The following CBX5 variants were observed in gnomAD, a reference collection of about 807,000 sequenced individuals.
CBX5 encodes chromobox protein homolog 5.
CBX5 carries 7 observed loss-of-function variants against 20.7 expected under a neutral mutation model. The ratio of observed to expected loss-of-function variants is 0.34; its 90% CI spans 0.19 to 0.63. The LOEUF is 0.63. Among genes scored for constraint, CBX5 ranks in the 30% least tolerant of loss-of-function variants. The probability of loss-of-function intolerance (pLI) is 0.75; values close to 1 mark genes in which losing one functional copy is unlikely to be tolerated. For missense variants in CBX5, 110 were observed against 224.1 expected (o/e 0.49, Z 3.25); for synonymous variants, 78 against 77.0 (o/e 1.01, Z -0.07).
chr12:54,252,662 A>C (rs1943817925), intron 2 of CBX5: 1 of 157,544 alleles, frequency 6.3e-6, no homozygotes. Flanking sequence ...TTTACATGAA[A>C]TGTCTGGGAA....
intron 4 of CBX5, 90 bp from the exon 5 acceptor site, chr12:54,241,995 G>A: frequency 7.8e-7 from 1 of 1,284,380 alleles, no homozygotes; most frequent in Non-Finnish European, 1.1e-6. Flanking sequence ...GGATTTAGTT[G>A]ACTTGATTTC....
At chr12:54,269,183 C>A (rs1943985380) in intron 1 of CBX5, among the ~76,000 whole-genome samples, 1 of 151,856 alleles carries the variant, frequency 6.6e-6, no homozygotes, top group African/African-American at 2.4e-5. Flanking sequence ...TCGCTTGAAC[C>A]CCCCAGGAGG....
intron 2 of CBX5, among the ~76,000 whole-genome samples, chr12:54,254,698 C>G (rs1208454221): frequency 1.3e-5 from 2 of 151,824 alleles, no homozygotes. Flanking sequence ...AATAAAAATA[C>G]AAAATTTAGA....
rs1235504204 is a variant in CBX5 at position 54,236,887 on chromosome 12, A to AT, written c.*4867dup. On this transcript the variant is annotated 3_prime_UTR_variant, in exon 5 of 5. Transcript: ENST00000209875. ...AAACTACAGATTCAACAAAATCTCA[A>AT]TAAGAAAATCCCAAAAACCTTCCCC... 1 of 152,212 alleles carries AT rather than the reference A, an allele frequency of 6.6e-6. No homozygotes were observed. The highest frequency in any genetic ancestry group is 1.5e-5 in the Non-Finnish European group (1 of 68,044). 9.4% of individuals were successfully genotyped at this position (152,212 alleles called of 1,614,324 possible).
Position 54,252,234 on chromosome 12 carries a change from A to G in CBX5, c.138-7T>C. ...TTCCCAAGTATTGTGCTCCCTGGGT[A>G]AGAAAAATGGGAAAATTAAAAAAAA... On this transcript the variant is annotated splice_region_variant and splice_polypyrimidine_tract_variant and intron_variant, in intron 2 of 4. Coordinates refer to ENST00000209875, the MANE Select transcript of CBX5 (RefSeq NM_012117.3). 6.4e-7 allele frequency: 1 copy of G among 1,561,732 alleles called. No homozygotes were observed. Among genetic ancestry groups the G allele is most frequent in the Non-Finnish European group, 8.6e-7 (1 of 1,163,390 alleles).
chr12:54,261,631 G>A (rs1199603384), intron 1 of CBX5, among the ~76,000 whole-genome samples: 1 of 152,100 alleles, frequency 6.6e-6, no homozygotes, highest in African/African-American at 2.4e-5. Context: ...CCTCAGATTT[G>A]AATGGACCAT....
intron 3 of CBX5, among the ~76,000 whole-genome samples, chr12:54,251,836 A>G (rs1215647018): frequency 6.6e-6 from 1 of 152,130 alleles, no homozygotes; most frequent in Non-Finnish European, 1.5e-5. Flanking sequence ...CCCTTAATAC[A>G]ATCCAGTGGC....
rs948099626 is a variant in CBX5 at position 54,265,860 on chromosome 12, A to G, written c.-42-8168T>C. 2.6e-5 allele frequency among the ~76,000 whole-genome samples: 4 copies of G among 152,266 alleles called. No homozygotes were observed. The South Asian group carries it at 6.2e-4, about 24-fold the overall frequency. The stretch of plus-strand genomic sequence containing the variant: ...TCAGGAGTTCAAGACCAGCGTGGCC[A>G]ACATGGTGAAACCCCATCTTTACTA... On this transcript the variant is annotated intron_variant, in intron 1 of 4. Coordinates refer to ENST00000209875, the MANE Select transcript of CBX5 (RefSeq NM_012117.3).
chr12:54,258,339 T>C (rs994604683), intron 1 of CBX5: 6 of 152,132 alleles, frequency 3.9e-5, no homozygotes, highest in Admixed American at 3.9e-4. Context: ...AATTTGGGGA[T>C]GGGAGGGAGG....
chr12:54,274,046 T>A (rs1249990933), intron 1 of CBX5: 1 of 152,224 alleles, frequency 6.6e-6, no homozygotes, highest in African/African-American at 2.4e-5. Context: ...TTGGCAGATC[T>A]GAGAAGAGAA....
chr12:54,241,537 T>A lies in CBX5; in HGVS notation c.*218A>T. On this transcript the variant is annotated 3_prime_UTR_variant, in exon 5 of 5. Transcript: ENST00000209875. The stretch of plus-strand genomic sequence containing the variant: ...AAAAAATTGTGGGTATTACACTCAG[T>A]ATGTAAATGCCTGGTCTTCACAGAG... The A allele has an allele frequency of 1.9e-6, 1 of 517,284 alleles. No homozygotes were observed. Among genetic ancestry groups the A allele is most frequent in the Non-Finnish European group, 3.4e-6 (1 of 296,254 alleles). The allele number at this position is 517,284 out of a possible 1,614,324, so 32.0% of individuals were successfully genotyped here.
intron 1 of CBX5, chr12:54,272,496 A>T (rs1422793985): frequency 6.6e-6 from 1 of 152,262 alleles, no homozygotes; most frequent in Non-Finnish European, 1.5e-5. Flanking sequence ...ACTACTGGAA[A>T]GAAAATTCAG....
At chr12:54,270,033 T>C (rs866447618) in intron 1 of CBX5, among the ~76,000 whole-genome samples, 3 of 152,358 alleles carry the variant, frequency 2.0e-5, no homozygotes, top group Non-Finnish European at 2.9e-5. Context: ...ATATTGTTAA[T>C]TAGTATCTTT....
In CBX5 at chr12:54,237,250, G is replaced by A. The variant is rs765249005; in HGVS notation, c.*4505C>T. 52 of 152,198 alleles carry A rather than the reference G, an allele frequency of 3.4e-4. No homozygotes were observed. The highest frequency in any genetic ancestry group is 1.2e-3 in the African/African-American group (48 of 41,502). 9.4% of individuals were successfully genotyped at this position (152,198 alleles called of 1,614,324 possible). ...TCTACTTTCACACATGGCAAACCGC[G>A]AAGAAAAACAAGGATAACCTCAGAC... On this transcript the variant is annotated 3_prime_UTR_variant, in exon 5 of 5. Coordinates refer to ENST00000209875, the MANE Select transcript of CBX5 (RefSeq NM_012117.3).
intron 3 of CBX5, among the ~76,000 whole-genome samples, chr12:54,251,392 G>T (rs1235343248): frequency 2.0e-5 from 3 of 151,786 alleles, no homozygotes; most frequent in Non-Finnish European, 4.4e-5. Flanking sequence ...GGTGGCAGGC[G>T]CCTGTAGTCC....
intron 4 of CBX5, among the ~76,000 whole-genome samples, chr12:54,244,255 C>T (rs1292599011): frequency 2.0e-5 from 3 of 151,192 alleles, no homozygotes; most frequent in Non-Finnish European, 3.0e-5. Flanking sequence ...CCGCCCGTCT[C>T]GGCGTCTCGG....
intron 4 of CBX5, among the ~76,000 whole-genome samples, chr12:54,242,998 C>G (rs180740606): frequency 6.4e-4 from 97 of 152,106 alleles, no homozygotes; most frequent in Non-Finnish European, 6.9e-4. Context: ...GTGGTGCATG[C>G]TTGTGGTCCC....
chr12:54,259,308 G>T (rs1943892770), intron 1 of CBX5: 1 of 152,054 alleles, frequency 6.6e-6, no homozygotes, highest in Non-Finnish European at 1.5e-5. Context: ...AGGTCAGAGC[G>T]CTGGGGTTAA....
chr12:54,279,308 A>G (rs1197023305), intron 1 of CBX5, among the ~76,000 whole-genome samples: 1 of 152,182 alleles, frequency 6.6e-6, no homozygotes, highest in Non-Finnish European at 1.5e-5. Flanking sequence ...ACAAACAAAA[A>G]AAAACAACTC....
Sources: allele counts gnomAD v4.1 joint callset (sites outside exome capture counted in the v4.1 genomes callset), GRCh38; gene constraint gnomAD v4.1.1; transcripts MANE v1.5; gene names NCBI Gene and HGNC (gene_info 2026-07-23, HGNC 2026-07-21).